Variants in CSTA observed in about 807,000 individuals in gnomAD.
CSTA encodes cystatin A.
In CSTA, 9 loss-of-function variants were observed where a neutral mutation model predicts 9.2. That is an observed-to-expected ratio of 0.97 (90% CI 0.59 to 1.70). The LOEUF is 1.70. Ranked by LOEUF, CSTA falls within the 40% of genes most tolerant of loss-of-function variation. The pLI is 0.00. For missense variants in CSTA, 118 were observed against 113.1 expected (o/e 1.04, Z -0.20); for synonymous variants, 36 against 40.6 (o/e 0.89, Z 0.43).
intron 1 of CSTA, among the ~76,000 whole-genome samples, chr3:122,327,389 C>A (rs112527366): frequency 6.6e-6 from 1 of 151,642 alleles, no homozygotes; most frequent in Non-Finnish European, 1.5e-5. Flanking sequence ...ATCAGCTTGG[C>A]GTGGTGGCGG....
Position 122,325,367 on chromosome 3 carries a change from A to G in CSTA, c.66+9A>G, listed in dbSNP as rs771474179. On this transcript the variant is annotated intron_variant, in intron 1 of 2. Coordinates refer to ENST00000264474, the MANE Select transcript of CSTA (RefSeq NM_005213.4). Reference sequence around the variant, plus strand: ...AGGAGATTGTTGATAAGGTGAGTTGATGCCATTCAGGAAAAAGTCTGAGCC... The same window carrying G: ...AGGAGATTGTTGATAAGGTGAGTTGGTGCCATTCAGGAAAAAGTCTGAGCC... The G allele has an allele frequency of 7.4e-6, 12 of 1,613,930 alleles. 1 individual carries two copies. The South Asian group carries it at 9.9e-5, about 13-fold the overall frequency.
At chr3:122,333,585 A>AAGAAAGAAAGAAAGAAAGAAAGAAAGAG (rs1559981617) in intron 1 of CSTA, among the ~76,000 whole-genome samples, 4 of 146,778 alleles carry the variant, frequency 2.7e-5, no homozygotes, top group Non-Finnish European at 6.0e-5. Context: ...GAAAGAAAGA[A>AAGAAAGAAAGAAAGAAAGAAAGAAAGAG]AGAAAGAAGA....
chr3:122,328,628 G>T (rs1446123696), intron 1 of CSTA, among the ~76,000 whole-genome samples: 1 of 151,878 alleles, frequency 6.6e-6, no homozygotes, highest in Non-Finnish European at 1.5e-5. Flanking sequence ...GAAATACACT[G>T]AATGGAGAGA....
chr3:122,330,496 A>T (rs539035597), intron 1 of CSTA, among the ~76,000 whole-genome samples: 1 of 152,372 alleles, frequency 6.6e-6, no homozygotes, highest in Non-Finnish European at 1.5e-5. Flanking sequence ...GAAAGAAAAG[A>T]AAGGCAAACA....
At chr3:122,331,624 C>T (rs1042820977) in intron 1 of CSTA, among the ~76,000 whole-genome samples, 4 of 152,164 alleles carry the variant, frequency 2.6e-5, no homozygotes, top group African/African-American at 9.7e-5. Context: ...TTTGCCAAAG[C>T]GAGGTGCAGA....
chr3:122,337,201 T>C (rs2107668144), intron 1 of CSTA, among the ~76,000 whole-genome samples: 1 of 152,356 alleles, frequency 6.6e-6, no homozygotes, highest in Admixed American at 6.5e-5. Flanking sequence ...CTTTTAAGTC[T>C]GAAATCATTT....
chr3:122,341,363 C>T lies in CSTA; in HGVS notation c.169-76C>T, dbSNP rs2075264223. 9 of 1,521,708 alleles carry T rather than the reference C, an allele frequency of 5.9e-6. No individual in the cohort carries two copies. The Admixed American group carries it at 1.5e-4, about 26-fold the overall frequency. 94.3% of individuals were successfully genotyped at this position (1,521,708 alleles called of 1,614,324 possible). A position where few individuals can be genotyped will look rare whatever the true frequency, so the allele number is the denominator to read the frequency against. ...CTTTTTGGACAGAAGTCTTTGTAGACCTGTGGCTCTCTCACTTGATGTAGA... is the reference window on the plus strand; with the variant it reads ...CTTTTTGGACAGAAGTCTTTGTAGATCTGTGGCTCTCTCACTTGATGTAGA... On this transcript the variant is annotated intron_variant, in intron 2 of 2. Coordinates refer to ENST00000264474, the MANE Select transcript of CSTA (RefSeq NM_005213.4).
chr3:122,340,492 C>G (rs1305841910), intron 2 of CSTA, among the ~76,000 whole-genome samples: 2 of 152,188 alleles, frequency 1.3e-5, no homozygotes, highest in East Asian at 1.9e-4. Flanking sequence ...TTAGTAGAGA[C>G]CAGATTTCAC....
At chr3:122,339,612 G>A (rs1479541590) in intron 2 of CSTA, among the ~76,000 whole-genome samples, 1 of 152,170 alleles carries the variant, frequency 6.6e-6, no homozygotes, top group Non-Finnish European at 1.5e-5. Flanking sequence ...GAACACTTTG[G>A]GAGGCCAAGG....
In CSTA at chr3:122,337,541, C is replaced by G. The variant is rs755244709; in HGVS notation, c.67-6C>G. The G allele has an allele frequency of 1.9e-6, 3 of 1,586,542 alleles. No homozygotes were observed. In the South Asian group the frequency reaches 3.3e-5, roughly 18 times the overall value. On this transcript the variant is annotated splice_polypyrimidine_tract_variant and splice_region_variant and intron_variant, in intron 1 of 2. Transcript: ENST00000264474. The stretch of plus-strand genomic sequence containing the variant: ...GATTATTTGTTTCCTCTTTTCTTTT[C>G]TTTAGGTTAAACCACAGCTTGAAGA...
chr3:122,329,907 A>G (rs769211102), intron 1 of CSTA, among the ~76,000 whole-genome samples: 15 of 152,228 alleles, frequency 9.9e-5, no homozygotes, highest in Non-Finnish European at 1.8e-4. Context: ...TAAAGCCCCA[A>G]TTATCACTTA....
chr3:122,328,514 A>AG (rs1176315223), intron 1 of CSTA, among the ~76,000 whole-genome samples: 1 of 151,032 alleles, frequency 6.6e-6, no homozygotes, highest in African/African-American at 2.4e-5. Flanking sequence ...AAAAAAAAAA[A>AG]AAAAAGAGTC....
At chr3:122,341,359 T>A in intron 2 of CSTA, 80 bp from the exon 3 acceptor site, 1 of 1,502,816 alleles carries the variant, frequency 6.7e-7, no homozygotes, top group Non-Finnish European at 9.2e-7. Flanking sequence ...GAAGTCTTTG[T>A]AGACCTGTGG....
chr3:122,328,117 C>T (rs1330927399), intron 1 of CSTA, among the ~76,000 whole-genome samples: 6 of 152,182 alleles, frequency 3.9e-5, no homozygotes, highest in African/African-American at 1.4e-4. Context: ...CATTCGAGCT[C>T]TGATTTCATC....
intron 2 of CSTA, among the ~76,000 whole-genome samples, chr3:122,338,463 C>A (rs9823509): frequency 1.3e-3 from 192 of 147,510 alleles, no homozygotes; most frequent in African/African-American, 4.5e-3. Flanking sequence ...ACAAATATTT[C>A]TATTAAAATA....
chr3:122,336,948 C>T (rs2075239856), intron 1 of CSTA, among the ~76,000 whole-genome samples: 1 of 152,054 alleles, frequency 6.6e-6, no homozygotes, highest in East Asian at 1.9e-4. Flanking sequence ...GGAATGAACC[C>T]AGATTGTAGG....
chr3:122,330,512 T>C (rs1473494907), intron 1 of CSTA, among the ~76,000 whole-genome samples: 1 of 152,222 alleles, frequency 6.6e-6, no homozygotes, highest in Non-Finnish European at 1.5e-5. Context: ...AAACAAGGGA[T>C]GGCAATTGAG....
chr3:122,341,546 T>C lies in CSTA; in HGVS notation c.276T>C (p.Asp92=), dbSNP rs1559983665. ...LTGYQVDKNK[D]DELTGF is the part of the protein sequence containing the mutation. ...GATACCAGGTTGACAAAAACAAGGA[T>C]GACGAGCTGACGGGCTTTTAGCAGC... is the stretch of plus-strand genomic sequence containing the variant. The change falls in exon 3 of 3, where the codon GAT becomes GAC. Residue 92 remains aspartate, a synonymous_variant. Transcript: ENST00000264474. 1 of 1,614,142 alleles carries C rather than the reference T, an allele frequency of 6.2e-7. No individual in the cohort carries two copies.
chr3:122,338,418 T>C (rs1238735371), intron 2 of CSTA: 2 of 151,984 alleles, frequency 1.3e-5, no homozygotes, highest in Admixed American at 1.3e-4. Flanking sequence ...TACTTCACTA[T>C]TTGACCAGGG....
Sources: gnomAD v4.1 joint callset for allele counts (sites outside exome capture counted in the v4.1 genomes callset) on GRCh38, gnomAD v4.1.1 for gene constraint, MANE v1.5 for transcripts, NCBI Gene and HGNC (gene_info 2026-07-23, HGNC 2026-07-21) for gene names.